The following SNTB2 variants were observed in gnomAD, a reference collection of about 807,000 sequenced individuals.
SNTB2 encodes the protein beta-2-syntrophin.
A neutral mutation model predicts 46.2 loss-of-function variants in SNTB2; 34 were observed. The ratio of observed to expected loss-of-function variants is 0.74; its 90% CI spans 0.56 to 0.98. SNTB2 has a LOEUF of 0.98. Among genes scored for constraint, SNTB2 ranks in the 50% least tolerant of loss-of-function variants. The pLI, the probability that SNTB2 is intolerant of heterozygous loss-of-function variation, is 0.00. For synonymous variants in SNTB2, 290 were observed against 312.6 expected (o/e 0.93, Z 0.76); for missense variants, 603 against 731.4 (o/e 0.82, Z 2.02).
At chr16:69,261,052 G>GA (rs1193338057) in intron 3 of SNTB2, among the ~76,000 whole-genome samples, 2 of 151,494 alleles carry the variant, frequency 1.3e-5, no homozygotes, top group African/African-American at 2.4e-5. Flanking sequence ...AGAGGGGCTT[G>GA]AAAAAAAAGG....
At chr16:69,241,776 A>G (rs1964617541) in intron 1 of SNTB2, 1 of 151,738 alleles carries the variant, frequency 6.6e-6, no homozygotes, top group Non-Finnish European at 1.5e-5. Context: ...TAAAAGTACA[A>G]AAATTAGGTG....
chr16:69,249,966 G>A (rs1964709970), intron 2 of SNTB2, among the ~76,000 whole-genome samples: 1 of 152,108 alleles, frequency 6.6e-6, no homozygotes, highest in Admixed American at 6.6e-5. Context: ...AGGTGTGGTG[G>A]TGCACGCCTG....
At chr16:69,196,381 T>C (rs1415948293) in intron 1 of SNTB2, among the ~76,000 whole-genome samples, 1 of 151,024 alleles carries the variant, frequency 6.6e-6, no homozygotes, top group Non-Finnish European at 1.5e-5. Context: ...TTTTTCTTTT[T>C]TTTTTTTTTT....
intron 4 of SNTB2, among the ~76,000 whole-genome samples, chr16:69,274,054 C>G (rs1964962673): frequency 6.6e-6 from 1 of 152,150 alleles, no homozygotes; most frequent in Admixed American, 6.5e-5. Context: ...TGGTTCACGC[C>G]TATAATCCCA....
chr16:69,263,060 C>T (rs1441165957), intron 3 of SNTB2, among the ~76,000 whole-genome samples: 4 of 151,856 alleles, frequency 2.6e-5, no homozygotes, highest in Admixed American at 2.0e-4. Context: ...ATCTCACTTT[C>T]CCCATCTACC....
intron 5 of SNTB2, among the ~76,000 whole-genome samples, chr16:69,288,979 T>TA (rs1337543594): frequency 6.6e-6 from 1 of 151,932 alleles, no homozygotes; most frequent in Non-Finnish European, 1.5e-5. Flanking sequence ...ATATGGGAGC[T>TA]AAAAAAGTGG....
chr16:69,274,320 A>G (rs1275692962), intron 4 of SNTB2, among the ~76,000 whole-genome samples: 2 of 151,470 alleles, frequency 1.3e-5, no homozygotes, highest in African/African-American at 2.4e-5. Flanking sequence ...TCAAAAAAAA[A>G]AAAAAAGTAT....
At chr16:69,235,781 T>G in intron 1 of SNTB2, 1 of 1,289,350 alleles carries the variant, frequency 7.8e-7, no homozygotes, top group Non-Finnish European at 1.0e-6. Context: ...CTGACCAATA[T>G]CAGGGGCACA....
At chr16:69,251,591 C>T (rs561849768) in intron 2 of SNTB2, among the ~76,000 whole-genome samples, 1 of 151,460 alleles carries the variant, frequency 6.6e-6, no homozygotes, top group Admixed American at 6.6e-5. Flanking sequence ...CCAGCCTGAC[C>T]AACATGGAGA....
intron 1 of SNTB2, among the ~76,000 whole-genome samples, chr16:69,211,248 GAAAC>G (rs2152292056): frequency 6.6e-6 from 1 of 152,210 alleles, no homozygotes; most frequent in African/African-American, 2.4e-5. Flanking sequence ...ACTTTGGAGA[GAAAC>G]AACTTCTATA....
intron 2 of SNTB2, 36 bp downstream of exon 2, chr16:69,245,851 C>G: frequency 6.3e-7 from 1 of 1,585,708 alleles, no homozygotes; most frequent in Non-Finnish European, 8.7e-7. Flanking sequence ...ATACCTACAG[C>G]TTTACAAACT....
chr16:69,215,309 CAGGAATTTG>C (rs1479187210), intron 1 of SNTB2, among the ~76,000 whole-genome samples: 1 of 152,074 alleles, frequency 6.6e-6, no homozygotes, highest in Admixed American at 6.6e-5. Context: ...CCCTTGAGCC[CAGGAATTTG>C]AGGCTGTAGG....
chr16:69,296,378 G>C (rs1567417390), intron 5 of SNTB2, among the ~76,000 whole-genome samples: 1 of 151,974 alleles, frequency 6.6e-6, no homozygotes, highest in Non-Finnish European at 1.5e-5. Flanking sequence ...AGTCACATTT[G>C]CTTTCCATTC....
Position 69,286,568 on chromosome 16 carries a change from C to T in SNTB2, c.1345+2324C>T, listed in dbSNP as rs1965104528. On this transcript the variant is annotated intron_variant, in intron 5 of 6. Coordinates refer to ENST00000336278, the MANE Select transcript of SNTB2 (RefSeq NM_006750.4). The stretch of plus-strand genomic sequence containing the variant: ...GGAGTGGTGACACACATCTGTAGCC[C>T]CAGCTACTCAGGAGGCTGAGGTAGG... Among the ~76,000 whole-genome samples, 3 of 152,016 alleles carry T rather than the reference C, an allele frequency of 2.0e-5. No individual in the cohort carries two copies. The South Asian group carries it at 6.2e-4, about 32-fold the overall frequency.
chr16:69,305,928 T>G lies in SNTB2; in HGVS notation c.*5004T>G, dbSNP rs1226180981. On this transcript the variant is annotated 3_prime_UTR_variant, in exon 7 of 7. Transcript: ENST00000336278. ...ATCTGCCCGCCTCCACCCTTTAAGC[T>G]AAATCTTTCACTGTGCTGGATACAT... The G allele has an allele frequency of 6.6e-6, 1 of 152,190 alleles. No homozygotes were observed. Among genetic ancestry groups the G allele is most frequent in the Non-Finnish European group, 1.5e-5 (1 of 68,036 alleles). 9.4% of individuals were successfully genotyped at this position (152,190 alleles called of 1,614,324 possible).
chr16:69,202,120 G>A (rs981716841), intron 1 of SNTB2, among the ~76,000 whole-genome samples: 22 of 152,116 alleles, frequency 1.4e-4, no homozygotes, highest in African/African-American at 4.8e-4. Flanking sequence ...ACATTTAACC[G>A]TGACTGAGGC....
intron 4 of SNTB2, among the ~76,000 whole-genome samples, chr16:69,281,500 T>G (rs1296283538): frequency 1.0e-4 from 15 of 143,288 alleles, no homozygotes; most frequent in South Asian, 4.3e-4. Context: ...TTTTTTTTTG[T>G]TTTTTTTTTT....
chr16:69,225,141 T>C (rs1318989477), intron 1 of SNTB2, among the ~76,000 whole-genome samples: 1 of 152,234 alleles, frequency 6.6e-6, no homozygotes, highest in East Asian at 1.9e-4. Flanking sequence ...TTACAGGATT[T>C]CTTTTATACA....
chr16:69,224,359 G>A (rs1344491358), intron 1 of SNTB2, among the ~76,000 whole-genome samples: 1 of 151,684 alleles, frequency 6.6e-6, no homozygotes, highest in East Asian at 1.9e-4. Flanking sequence ...TTACAGGCTC[G>A]CGCCACCACG....
Sources: allele counts gnomAD v4.1 joint callset (sites outside exome capture counted in the v4.1 genomes callset), GRCh38; gene constraint gnomAD v4.1.1; transcripts MANE v1.5; gene names NCBI Gene and HGNC (gene_info 2026-07-23, HGNC 2026-07-21).